AP1M1: variants seen among roughly 807,000 people sequenced by gnomAD.
AP1M1 encodes adaptor related protein complex 1 subunit mu 1, also known as AP-1 complex subunit mu-1.
A neutral mutation model predicts 57.1 loss-of-function variants in AP1M1; 18 were observed. The ratio of observed to expected loss-of-function variants is 0.32; its 90% CI spans 0.22 to 0.47. The LOEUF is 0.47. Among genes scored for constraint, AP1M1 ranks in the 20% least tolerant of loss-of-function variants. AP1M1 has a pLI of 1.00. For synonymous variants in AP1M1, 241 were observed against 237.9 expected (o/e 1.01, Z -0.12); for missense variants, 362 against 593.5 (o/e 0.61, Z 4.05).
In AP1M1 at chr19:16,234,488, G is replaced by T; in HGVS notation, c.*53G>T. ...TCGGGGCTCCTGGTGGCAGCACCAGGGGACACACCTGCCAAACCCACCAGA... is the reference window on the plus strand; with the variant it reads ...TCGGGGCTCCTGGTGGCAGCACCAGTGGACACACCTGCCAAACCCACCAGA... On this transcript the variant is annotated 3_prime_UTR_variant, in exon 12 of 12. Transcript: ENST00000291439. 1 of 1,609,898 alleles carries T rather than the reference G, an allele frequency of 6.2e-7. No individual in the cohort carries two copies. Among genetic ancestry groups the T allele is most frequent in the East Asian group, 2.2e-5 (1 of 44,662 alleles).
At position 16,216,809 on chromosome 19, in the gene AP1M1, A is replaced by G. The variant is rs572135951; in HGVS notation, c.546+7632A>G. ...TCAGGTTAAGAACCTGCTCTGCTAG[A>G]GGGGCCAAGCTGCTCCCAGACAGCT... is the stretch of plus-strand genomic sequence containing the variant. On this transcript the variant is annotated intron_variant, in intron 5 of 11. Transcript: ENST00000291439. 2.6e-5 allele frequency among the ~76,000 whole-genome samples: 4 copies of G among 152,304 alleles called. No individual in the cohort carries two copies. The East Asian group carries it at 7.7e-4, about 29-fold the overall frequency.
chr19:16,228,841 C>T lies in AP1M1; in HGVS notation c.960C>T (p.Ala320=), dbSNP rs755612694. 46 of 1,614,050 alleles carry T rather than the reference C, an allele frequency of 2.8e-5. No homozygotes were observed. The highest frequency in any genetic ancestry group is 3.3e-5 in the Non-Finnish European group (39 of 1,180,030). The part of the protein sequence containing the change: ...VEIHIPVPND[A]DSPKFKTTVG... Reference sequence around the variant, plus strand: ...TCCACATTCCCGTGCCCAATGATGCCGACTCACCCAAGTTCAAGACGACGG... The same window carrying T: ...TCCACATTCCCGTGCCCAATGATGCTGACTCACCCAAGTTCAAGACGACGG... The change falls in exon 9 of 12, where the codon GCC becomes GCT. Residue 320 remains alanine, a synonymous_variant. Coordinates refer to ENST00000291439, the MANE Select transcript of AP1M1 (RefSeq NM_032493.4). This position sits in a 1 kb window ranked among gnomAD's most constrained non-coding sequence, Gnocchi z 5.0.
At position 16,228,301 on chromosome 19, in the gene AP1M1, C is replaced by A; in HGVS notation, c.888+93C>A. Reference sequence around the variant, plus strand: ...AGGGCTGGGGGTGCCGTAGGGCTGCCATCCGTGCACCCTCACTGTGGCCTC... The same window carrying A: ...AGGGCTGGGGGTGCCGTAGGGCTGCAATCCGTGCACCCTCACTGTGGCCTC... On this transcript the variant is annotated intron_variant, in intron 8 of 11. Coordinates refer to ENST00000291439, the MANE Select transcript of AP1M1 (RefSeq NM_032493.4). The surrounding 1 kb of genome is among the most constrained non-coding windows in gnomAD (Gnocchi z 5.0). 7.8e-7 allele frequency: 1 copy of A among 1,283,882 alleles called. No individual in the cohort carries two copies. The highest frequency in any genetic ancestry group is 1.1e-6 in the Non-Finnish European group (1 of 907,216). 79.5% of individuals were successfully genotyped at this position (1,283,882 alleles called of 1,614,324 possible). A position where few individuals can be genotyped will look rare whatever the true frequency, so the allele number is the denominator to read the frequency against.
chr19:16,206,879 G>T lies in AP1M1; in HGVS notation c.267+471G>T, dbSNP rs2091471591. ...GACACAGATAGCAGCCAGGGTGAAGGCGCCAGGACAGGTGTATGTGTGGTG... is the reference window on the plus strand; with the variant it reads ...GACACAGATAGCAGCCAGGGTGAAGTCGCCAGGACAGGTGTATGTGTGGTG... On this transcript the variant is annotated intron_variant, in intron 3 of 11. Coordinates refer to ENST00000291439, the MANE Select transcript of AP1M1 (RefSeq NM_032493.4). This position sits in a 1 kb window ranked among gnomAD's most constrained non-coding sequence, Gnocchi z 4.3. Among the ~76,000 whole-genome samples the T allele has an allele frequency of 6.6e-6, 1 of 152,146 alleles. No homozygotes were observed. Among genetic ancestry groups the T allele is most frequent in the Admixed American group, 6.5e-5 (1 of 15,274 alleles).
Position 16,206,625 on chromosome 19 carries a change from T to C in AP1M1, c.267+217T>C, listed in dbSNP as rs2145117032. On this transcript the variant is annotated intron_variant, in intron 3 of 11. Coordinates refer to ENST00000291439, the MANE Select transcript of AP1M1 (RefSeq NM_032493.4). The surrounding 1 kb of genome is among the most constrained non-coding windows in gnomAD (Gnocchi z 4.3). ...CCCTACCGTGGGGAAGAAAGGAAAG[T>C]GAACAGGAAAAGGTAGGGCTCAGAG... is the stretch of plus-strand genomic sequence containing the variant. 2 of 595,894 alleles carry C rather than the reference T, an allele frequency of 3.4e-6. No individual in the cohort carries two copies. Among genetic ancestry groups the C allele is most frequent in the East Asian group, 5.8e-5 (2 of 34,476 alleles). The allele number at this position is 595,894 out of a possible 1,614,324, so 36.9% of individuals were successfully genotyped here. A position where few individuals can be genotyped will look rare whatever the true frequency, so the allele number is the denominator to read the frequency against.
chr19:16,237,111 C>A lies in AP1M1; in HGVS notation c.*2676C>A, dbSNP rs945592436. On this transcript the variant is annotated 3_prime_UTR_variant, in exon 12 of 12. Transcript: ENST00000291439. ...CCTAACAAAATGGGCTGTGTGTGAA[C>A]AGACAGTATGAAGAAGATGAAATAC... 6.6e-6 allele frequency: 1 copy of A among 152,182 alleles called. No individual in the cohort carries two copies. The highest frequency in any genetic ancestry group is 1.5e-5 in the Non-Finnish European group (1 of 68,036). 9.4% of individuals were successfully genotyped at this position (152,182 alleles called of 1,614,324 possible). A position where few individuals can be genotyped will look rare whatever the true frequency, so the allele number is the denominator to read the frequency against.
chr19:16,222,252 G>T (rs188728530), intron 5 of AP1M1, among the ~76,000 whole-genome samples: 81 of 147,864 alleles, frequency 5.5e-4, no homozygotes, highest in African/African-American at 1.9e-3. Flanking sequence ...CTGTCATCCA[G>T]GCTGGAGAGC....
rs902573335 is a variant in AP1M1 at position 16,206,846 on chromosome 19, G to A, written c.267+438G>A. On this transcript the variant is annotated intron_variant, in intron 3 of 11. Transcript: ENST00000291439. The surrounding 1 kb of genome is among the most constrained non-coding windows in gnomAD (Gnocchi z 4.3). ...AGAGCTGACACGCCAGGCCCAGGCTGCCAGTGAGACACAGATAGCAGCCAG... is the reference window on the plus strand; with the variant it reads ...AGAGCTGACACGCCAGGCCCAGGCTACCAGTGAGACACAGATAGCAGCCAG... Among the ~76,000 whole-genome samples the A allele has an allele frequency of 6.6e-6, 1 of 152,154 alleles. No individual in the cohort carries two copies. The highest frequency in any genetic ancestry group is 1.9e-4 in the East Asian group (1 of 5,182).
chr19:16,206,960 A>G lies in AP1M1; in HGVS notation c.267+552A>G, dbSNP rs1005653566. On this transcript the variant is annotated intron_variant, in intron 3 of 11. Coordinates refer to ENST00000291439, the MANE Select transcript of AP1M1 (RefSeq NM_032493.4). The surrounding 1 kb of genome is among the most constrained non-coding windows in gnomAD (Gnocchi z 4.3). ...AGTATGAGGCTGAGGTCAGCTGGGA[A>G]GAGGGCGGATTATACAGGAGTGTGG... Among the ~76,000 whole-genome samples, 1 of 152,202 alleles carries G rather than the reference A, an allele frequency of 6.6e-6. No homozygotes were observed. Among genetic ancestry groups the G allele is most frequent in the Non-Finnish European group, 1.5e-5 (1 of 68,046 alleles).
At position 16,206,019 on chromosome 19, in the gene AP1M1, T is replaced by C. The variant is rs2091467995; in HGVS notation, c.200-322T>C. 6.6e-6 allele frequency among the ~76,000 whole-genome samples: 1 copy of C among 152,090 alleles called. No homozygotes were observed. Among genetic ancestry groups the C allele is most frequent in the Non-Finnish European group, 1.5e-5 (1 of 68,018 alleles). On this transcript the variant is annotated intron_variant, in intron 2 of 11. Coordinates refer to ENST00000291439, the MANE Select transcript of AP1M1 (RefSeq NM_032493.4). The surrounding 1 kb of genome is among the most constrained non-coding windows in gnomAD (Gnocchi z 4.3). Reference sequence around the variant, plus strand: ...TGTGTCCTGCTTTCTGCTCCTGGAATGAGCCTCACTCCCTCCCTGCTCAAG... The same window carrying C: ...TGTGTCCTGCTTTCTGCTCCTGGAACGAGCCTCACTCCCTCCCTGCTCAAG...
chr19:16,226,439 G>A lies in AP1M1; in HGVS notation c.565G>A (p.Val189Ile), dbSNP rs2091571737. 1.9e-6 allele frequency: 3 copies of A among 1,558,552 alleles called. No homozygotes were observed. The highest frequency in any genetic ancestry group is 2.6e-6 in the Non-Finnish European group (3 of 1,153,440). Residue 189 changes from valine (V) to isoleucine (I), a missense_variant, in exon 6 of 12, where the codon GTC becomes ATC. Physicochemically the swap from Val to Ile is conservative, Grantham distance 29. This residue lies in a region of AP1M1 where 337 missense variants were observed against 511.1 expected (regional missense o/e 0.66). Coordinates refer to ENST00000291439, the MANE Select transcript of AP1M1 (RefSeq NM_032493.4). ...VNLLVSANGN[V>I]LRSEIVGSIK... ...CCCCCAGGTCAGCGCCAACGGCAATGTCCTGCGCAGCGAGATCGTGGGCTC... is the reference window on the plus strand; with the variant it reads ...CCCCCAGGTCAGCGCCAACGGCAATATCCTGCGCAGCGAGATCGTGGGCTC...
chr19:16,228,040 G>T lies in AP1M1; in HGVS notation c.817-97G>T. ...TGCAGGGCTCTGGGCCCACACCTGG[G>T]CAGATGGTCCCTTGCCCTGGGCCTT... On this transcript the variant is annotated intron_variant, in intron 7 of 11. Coordinates refer to ENST00000291439, the MANE Select transcript of AP1M1 (RefSeq NM_032493.4). This position sits in a 1 kb window ranked among gnomAD's most constrained non-coding sequence, Gnocchi z 5.0. 1 of 1,278,360 alleles carries T rather than the reference G, an allele frequency of 7.8e-7. No individual in the cohort carries two copies. 79.2% of individuals were successfully genotyped at this position (1,278,360 alleles called of 1,614,324 possible). A position where few individuals can be genotyped will look rare whatever the true frequency, so the allele number is the denominator to read the frequency against.
chr19:16,205,336 G>A (rs962244414), intron 2 of AP1M1, among the ~76,000 whole-genome samples: 5 of 152,178 alleles, frequency 3.3e-5, no homozygotes, highest in African/African-American at 9.7e-5. Context: ...ACCCCCAGCC[G>A]GGACAGTGCT....
At position 16,203,230 on chromosome 19, in the gene AP1M1, C is replaced by T. The variant is rs1193642019; in HGVS notation, c.43-229C>T. On this transcript the variant is annotated intron_variant, in intron 1 of 11. Coordinates refer to ENST00000291439, the MANE Select transcript of AP1M1 (RefSeq NM_032493.4). This position sits in a 1 kb window ranked among gnomAD's most constrained non-coding sequence, Gnocchi z 4.6. Reference sequence around the variant, plus strand: ...AGAGTTCGCCTCTACCCTCACCCTGCGAAGAACTGCAGTGGCCCCTGTGGG... The same window carrying T: ...AGAGTTCGCCTCTACCCTCACCCTGTGAAGAACTGCAGTGGCCCCTGTGGG... The T allele has an allele frequency of 2.8e-5, 16 of 565,646 alleles. No homozygotes were observed. The highest frequency in any genetic ancestry group is 3.8e-5 in the Non-Finnish European group (12 of 315,192). 35.0% of individuals were successfully genotyped at this position (565,646 alleles called of 1,614,324 possible).
Position 16,227,174 on chromosome 19 carries a change from A to C in AP1M1, c.674-374A>C, listed in dbSNP as rs1429590304. On this transcript the variant is annotated intron_variant, in intron 6 of 11. Coordinates refer to ENST00000291439, the MANE Select transcript of AP1M1 (RefSeq NM_032493.4). The surrounding 1 kb of genome is among the most constrained non-coding windows in gnomAD (Gnocchi z 6.2). ...TAGCCCTCAGTGAGGTGGCAAACCA[A>C]GGTAGGACCCAGGACCCCGTGGATG... Among the ~76,000 whole-genome samples, 2 of 152,142 alleles carry C rather than the reference A, an allele frequency of 1.3e-5. No homozygotes were observed. The highest frequency in any genetic ancestry group is 2.9e-5 in the Non-Finnish European group (2 of 67,988).
At position 16,227,654 on chromosome 19, in the gene AP1M1, C is replaced by T. The variant is rs2091577033; in HGVS notation, c.780C>T (p.Gly260=). The part of the protein sequence containing the change: ...DRTISFIPPD[G]EFELMSYRLN... Reference sequence around the variant, plus strand: ...CCATCTCCTTCATCCCACCCGACGGCGAGTTCGAGCTCATGTCCTACCGTC... The same window carrying T: ...CCATCTCCTTCATCCCACCCGACGGTGAGTTCGAGCTCATGTCCTACCGTC... The change falls in exon 7 of 12, where the codon GGC becomes GGT. Residue 260 remains glycine, a synonymous_variant. Coordinates refer to ENST00000291439, the MANE Select transcript of AP1M1 (RefSeq NM_032493.4). This position sits in a 1 kb window ranked among gnomAD's most constrained non-coding sequence, Gnocchi z 6.2. 3 of 1,613,996 alleles carry T rather than the reference C, an allele frequency of 1.9e-6. No homozygotes were observed. The highest frequency in any genetic ancestry group is 2.5e-6 in the Non-Finnish European group (3 of 1,179,942).
At position 16,203,427 on chromosome 19, in the gene AP1M1, C is replaced by T; in HGVS notation, c.43-32C>T. 1 of 1,613,710 alleles carries T rather than the reference C, an allele frequency of 6.2e-7. No individual in the cohort carries two copies. Among genetic ancestry groups the T allele is most frequent in the Non-Finnish European group, 8.5e-7 (1 of 1,179,676 alleles). ...CCCCCAGATTGTAGAACTGAAAATG[C>T]AAGCATCTTTTCTCTTCCTTCCCCA... is the stretch of plus-strand genomic sequence containing the variant. On this transcript the variant is annotated intron_variant, in intron 1 of 11. Coordinates refer to ENST00000291439, the MANE Select transcript of AP1M1 (RefSeq NM_032493.4). This position sits in a 1 kb window ranked among gnomAD's most constrained non-coding sequence, Gnocchi z 4.6.
intron 5 of AP1M1, among the ~76,000 whole-genome samples, chr19:16,223,852 G>A (rs984786210): frequency 4.6e-5 from 7 of 152,198 alleles, no homozygotes; most frequent in South Asian, 2.1e-4. Context: ...GGGAAGGGGC[G>A]CCAGCCGACC....
Position 16,215,197 on chromosome 19 carries a change from GGGCGGGGGGGGGGGAGA to G in AP1M1, c.546+6023_546+6039del. 7.3e-5 allele frequency among the ~76,000 whole-genome samples: 2 copies of G among 27,402 alleles called. 1 individual carries two copies. Among genetic ancestry groups the G allele is most frequent in the Non-Finnish European group, 2.8e-4 (2 of 7,018 alleles). The allele number at this position is 27,402 out of a possible 152,430, so 18.0% of individuals were successfully genotyped here. A position where few individuals can be genotyped will look rare whatever the true frequency, so the allele number is the denominator to read the frequency against. On this transcript the variant is annotated intron_variant, in intron 5 of 11. Transcript: ENST00000291439. The stretch of plus-strand genomic sequence containing the variant: ...CCAGCACTTTGGGAGGCTAAGGCGG[GGGCGGGGGGGGGGGAGA>G]GGGGGGAGGGGGGAGGGGAGGGGAT...
Sources: gnomAD v4.1 joint callset for allele counts (sites outside exome capture counted in the v4.1 genomes callset) on GRCh38, gnomAD v4.1.1 for gene constraint, gnomAD v4.1.1 regional missense constraint, Gnocchi (gnomAD v3.1) non-coding constraint, MANE v1.5 for transcripts, NCBI Gene and HGNC (gene_info 2026-07-23, HGNC 2026-07-21) for gene names.